TNPO3: variants seen among roughly 807,000 people sequenced by gnomAD.
The protein encoded by TNPO3 is transportin 3.
Under a neutral mutation model 122.8 loss-of-function variants are expected in TNPO3, and 65 were observed. That is an observed-to-expected ratio of 0.53 (90% CI 0.43 to 0.65). The LOEUF (loss-of-function observed/expected upper bound fraction) is 0.65, where lower values mean the gene tolerates loss of function less well. TNPO3 is among the 30% of genes least tolerant of loss of function. The pLI, the probability that TNPO3 is intolerant of heterozygous loss-of-function variation, is 0.00. For synonymous variants in TNPO3, 372 were observed against 411.2 expected (o/e 0.90, Z 1.15); for missense variants, 850 against 1,136.7 (o/e 0.75, Z 3.63).
chr7:129,000,915 A>G lies in TNPO3; in HGVS notation c.872+144T>C. 5 of 975,806 alleles carry G rather than the reference A, an allele frequency of 5.1e-6. No individual in the cohort carries two copies. The South Asian group carries it at 6.8e-5, about 13-fold the overall frequency. 60.4% of individuals were successfully genotyped at this position (975,806 alleles called of 1,614,324 possible). A position where few individuals can be genotyped will look rare whatever the true frequency, so the allele number is the denominator to read the frequency against. On this transcript the variant is annotated intron_variant, in intron 6 of 22. Transcript: ENST00000265388. ...TTTGCCACTCTAGGTTCAGAAGAGC[A>G]TAGTAGAGCATCTTTAGGAAGCACT...
At chr7:129,042,417 A>G (rs1807492099) in intron 1 of TNPO3, among the ~76,000 whole-genome samples, 1 of 152,200 alleles carries the variant, frequency 6.6e-6, no homozygotes, top group Non-Finnish European at 1.5e-5. Flanking sequence ...ACAAAACAAT[A>G]TTTTAGATAT....
intron 6 of TNPO3, among the ~76,000 whole-genome samples, 155 bp from the exon 7 acceptor site, chr7:129,000,722 C>A (rs1429212011): frequency 6.6e-6 from 1 of 152,148 alleles, no homozygotes; most frequent in African/African-American, 2.4e-5. Flanking sequence ...TGACAGACAC[C>A]TTTACCTAGA....
chr7:128,977,829 C>T (rs1341141323), intron 16 of TNPO3, among the ~76,000 whole-genome samples: 2 of 152,102 alleles, frequency 1.3e-5, no homozygotes, highest in Non-Finnish European at 2.9e-5. Flanking sequence ...AACTCCTGAC[C>T]TCGTGATCCA....
intron 7 of TNPO3, among the ~76,000 whole-genome samples, chr7:128,999,634 C>T (rs1397791856): frequency 1.4e-5 from 2 of 145,528 alleles, no homozygotes; most frequent in South Asian, 2.2e-4. Flanking sequence ...TTTTTTGAGA[C>T]GGAGTTTCGC....
chr7:128,973,883 A>T lies in TNPO3; in HGVS notation c.2273+985T>A, dbSNP rs528359152. 2.1e-3 allele frequency among the ~76,000 whole-genome samples: 319 copies of T among 150,850 alleles called. 2 individuals are homozygous for T. The highest frequency in any genetic ancestry group is 3.8e-3 in the Non-Finnish European group (256 of 67,720). ...AACTAACAAAAAAAAAGGGTTCAATATTCAATCCTGCCAGGTACGGTGGCT... is the reference window on the plus strand; with the variant it reads ...AACTAACAAAAAAAAAGGGTTCAATTTTCAATCCTGCCAGGTACGGTGGCT... On this transcript the variant is annotated intron_variant, in intron 18 of 22. Coordinates refer to ENST00000265388, the MANE Select transcript of TNPO3 (RefSeq NM_012470.4).
chr7:129,025,962 C>T (rs1369290580), intron 1 of TNPO3, among the ~76,000 whole-genome samples: 2 of 151,872 alleles, frequency 1.3e-5, no homozygotes, highest in African/African-American at 2.4e-5. Flanking sequence ...CCCATCTCTG[C>T]TAAAAATGCA....
rs183981868 is a variant in TNPO3, at chr7:129,047,661, C to T, written c.120+6990G>A. On this transcript the variant is annotated intron_variant, in intron 1 of 22. Transcript: ENST00000265388. ...CCACGTCTACTGTCACCAGGTCATTCGAACTATACTCAATTACTCTCGGAT... is the reference window on the plus strand; with the variant it reads ...CCACGTCTACTGTCACCAGGTCATTTGAACTATACTCAATTACTCTCGGAT... Among the ~76,000 whole-genome samples the T allele has an allele frequency of 1.8e-3, 278 of 152,288 alleles. 6 individuals carry two copies. Among genetic ancestry groups the T allele is most frequent in the Non-Finnish European group, 4.0e-4 (27 of 68,036 alleles).
At position 128,954,661 on chromosome 7, in the gene TNPO3, TG is replaced by T. The variant is rs1490887414; in HGVS notation, c.*755del. On this transcript the variant is annotated 3_prime_UTR_variant, in exon 23 of 23. Coordinates refer to ENST00000265388, the MANE Select transcript of TNPO3 (RefSeq NM_012470.4). ...TTCAGATATCCATAAATTCTGACCC[TG>T]GCAGGTCCCGAGCATCACCAATGTG... The T allele has an allele frequency of 6.6e-6, 1 of 150,906 alleles. No individual in the cohort carries two copies. The highest frequency in any genetic ancestry group is 1.5e-5 in the Non-Finnish European group (1 of 68,006). 9.3% of individuals were successfully genotyped at this position (150,906 alleles called of 1,614,324 possible). A position where few individuals can be genotyped will look rare whatever the true frequency, so the allele number is the denominator to read the frequency against.
chr7:129,042,054 G>A (rs564542600), intron 1 of TNPO3, among the ~76,000 whole-genome samples: 2 of 152,218 alleles, frequency 1.3e-5, no homozygotes, highest in African/African-American at 2.4e-5. Context: ...CCAGACAGGC[G>A]CCTAAGGACT....
intron 21 of TNPO3, among the ~76,000 whole-genome samples, chr7:128,963,089 C>T (rs1327606395): frequency 6.6e-6 from 1 of 152,168 alleles, no homozygotes; most frequent in East Asian, 1.9e-4. Context: ...GAAGTTTCTC[C>T]TCCAAGGAGA....
intron 11 of TNPO3, among the ~76,000 whole-genome samples, chr7:128,989,119 T>C (rs1158896416): frequency 6.6e-6 from 1 of 151,774 alleles, no homozygotes; most frequent in Non-Finnish European, 1.5e-5. Context: ...AAAAAAGAAA[T>C]AGTACGTTGA....
At chr7:129,016,201 G>C (rs1158409222) in intron 3 of TNPO3, among the ~76,000 whole-genome samples, 1 of 152,138 alleles carries the variant, frequency 6.6e-6, no homozygotes, top group African/African-American at 2.4e-5. Flanking sequence ...TCAGGAGTTT[G>C]AGACCAGCCT....
chr7:128,955,779 G>GAAAAC (rs985478765), intron 22 of TNPO3, among the ~76,000 whole-genome samples: 21 of 152,284 alleles, frequency 1.4e-4, no homozygotes, highest in Admixed American at 5.2e-4. Flanking sequence ...AATAACAGTT[G>GAAAAC]AAAACAAAAC....
intron 4 of TNPO3, 38 bp from the exon 5 acceptor site, chr7:129,005,197 T>C: frequency 1.3e-6 from 2 of 1,557,028 alleles, no homozygotes; most frequent in Non-Finnish European, 8.8e-7. Flanking sequence ...ATAATGTTAA[T>C]CTATATATTT....
intron 1 of TNPO3, among the ~76,000 whole-genome samples, chr7:129,047,154 T>C (rs1457639566): frequency 6.6e-6 from 1 of 152,256 alleles, no homozygotes; most frequent in Non-Finnish European, 1.5e-5. Flanking sequence ...ACACCCATGC[T>C]GAAGCATGCC....
intron 8 of TNPO3, among the ~76,000 whole-genome samples, chr7:128,997,169 A>C (rs575508263): frequency 2.3e-4 from 35 of 152,070 alleles, no homozygotes; most frequent in Non-Finnish European, 1.8e-4. Flanking sequence ...ATTTTCTTTT[A>C]TTTCTTTTTG....
At chr7:128,974,805 G>T in intron 18 of TNPO3, 63 bp downstream of exon 18, 1 of 1,334,726 alleles carries the variant, frequency 7.5e-7, no homozygotes, top group Non-Finnish European at 1.1e-6. Context: ...CCAAGGGTCA[G>T]ATGGCAAGAC....
chr7:129,043,944 C>T (rs1807709014), intron 1 of TNPO3, among the ~76,000 whole-genome samples: 1 of 152,246 alleles, frequency 6.6e-6, no homozygotes, highest in Admixed American at 6.5e-5. Flanking sequence ...GTCTCTATTT[C>T]TGCCTACCTG....
chr7:129,043,579 T>C (rs902980689), intron 1 of TNPO3, among the ~76,000 whole-genome samples: 8 of 152,182 alleles, frequency 5.3e-5, no homozygotes, highest in Non-Finnish European at 2.9e-5. Context: ...CTGAACTACA[T>C]AGTTGTTGGT....
Sources: gnomAD v4.1 joint callset for allele counts (sites outside exome capture counted in the v4.1 genomes callset) on GRCh38, gnomAD v4.1.1 for gene constraint, MANE v1.5 for transcripts, NCBI Gene and HGNC (gene_info 2026-07-23, HGNC 2026-07-21) for gene names.